Variants in LYPLAL1 observed in about 807,000 individuals in gnomAD.
LYPLAL1 encodes lysophospholipase-like protein 1.
A neutral mutation model predicts 19.7 loss-of-function variants in LYPLAL1; 23 were observed. The ratio of observed to expected loss-of-function variants is 1.17; its 90% CI spans 0.84 to 1.65. The LOEUF is 1.65. LYPLAL1 is among the 40% of genes most tolerant of loss of function. The pLI is 0.00. For missense variants in LYPLAL1, 355 were observed against 279.4 expected, an observed-to-expected ratio of 1.27 and a Z score of -1.93; for synonymous variants, 119 against 96.3, an observed-to-expected ratio of 1.24 and a Z score of -1.38.
At chr1:219,297,014 G>T in the LYPLAL1 span, among the ~76,000 whole-genome samples, 1 of 152,218 alleles carries the variant, frequency 6.6e-6, no homozygotes, top group Non-Finnish European at 1.5e-5. Flanking sequence ...AAGTGAGTTA[G>T]ATTTCTCCTT....
chr1:219,359,074 GT>G, the LYPLAL1 span, among the ~76,000 whole-genome samples: 30,334 of 151,968 alleles, frequency 0.2, 3,620 homozygotes, highest in Admixed American at 0.31. Context: ...GAAACAAGTT[GT>G]TTTTTTCCAG....
the LYPLAL1 span, among the ~76,000 whole-genome samples, chr1:219,256,204 A>G: frequency 2.0e-5 from 3 of 151,948 alleles, no homozygotes; most frequent in Admixed American, 1.3e-4. Context: ...TGCGGAGATT[A>G]TTGGATAACT....
chr1:219,244,969 C>T, the LYPLAL1 span, among the ~76,000 whole-genome samples: 1 of 149,962 alleles, frequency 6.7e-6, no homozygotes, highest in Non-Finnish European at 1.5e-5. Context: ...CTCTTCCTTC[C>T]TTCCTTCTTT....
chr1:219,287,599 G>A, the LYPLAL1 span, among the ~76,000 whole-genome samples: 1 of 152,170 alleles, frequency 6.6e-6, no homozygotes, highest in Non-Finnish European at 1.5e-5. Context: ...AAACACTGAT[G>A]AGAATGTGGA....
At chr1:219,372,788 C>G in the LYPLAL1 span, among the ~76,000 whole-genome samples, 1 of 152,146 alleles carries the variant, frequency 6.6e-6, no homozygotes, top group Admixed American at 6.5e-5. Flanking sequence ...CCTATAATCC[C>G]AGCTACCCGG....
the LYPLAL1 span, among the ~76,000 whole-genome samples, chr1:219,440,515 C>G: frequency 1.3e-5 from 2 of 152,000 alleles, no homozygotes; most frequent in African/African-American, 4.8e-5. Flanking sequence ...CCTGAGGAGC[C>G]TCTTACTGGC....
chr1:219,350,276 C>T, the LYPLAL1 span, among the ~76,000 whole-genome samples: 1 of 152,142 alleles, frequency 6.6e-6, no homozygotes, highest in Non-Finnish European at 1.5e-5. Context: ...ATCAGTTCTA[C>T]AAGGTTGTTA....
intron 2 of LYPLAL1, among the ~76,000 whole-genome samples, chr1:219,184,543 A>G (rs1656567703): frequency 6.6e-6 from 1 of 151,860 alleles, no homozygotes; most frequent in African/African-American, 2.4e-5. Context: ...TTAGAGGGGA[A>G]GTGTTCAGTA....
chr1:219,284,142 C>G, the LYPLAL1 span, among the ~76,000 whole-genome samples: 1 of 152,178 alleles, frequency 6.6e-6, no homozygotes, highest in African/African-American at 2.4e-5. Flanking sequence ...TAAGACATGC[C>G]TTGCTTCCTC....
the LYPLAL1 span, among the ~76,000 whole-genome samples, chr1:219,229,294 T>A: frequency 1.2e-4 from 16 of 132,928 alleles, no homozygotes; most frequent in African/African-American, 4.9e-4. Context: ...ACAAGCATTT[T>A]GAGAGAGAGA....
the LYPLAL1 span, among the ~76,000 whole-genome samples, chr1:219,412,158 C>G: frequency 1.3e-5 from 2 of 152,152 alleles, no homozygotes; most frequent in African/African-American, 4.8e-5. Context: ...AAGGGATCCT[C>G]TTGTCTCAGC....
At chr1:219,222,711 T>A in the LYPLAL1 span, 3 of 152,184 alleles carry the variant, frequency 2.0e-5, no homozygotes, top group African/African-American at 7.2e-5. Flanking sequence ...TGTGTCGCTC[T>A]TTAACTGTCT....
chr1:219,305,416 A>T, the LYPLAL1 span, among the ~76,000 whole-genome samples: 1 of 152,042 alleles, frequency 6.6e-6, no homozygotes, highest in Non-Finnish European at 1.5e-5. Flanking sequence ...TAGAAAAGAG[A>T]CATACTGAAG....
chr1:219,352,228 G>A, the LYPLAL1 span, among the ~76,000 whole-genome samples: 1 of 152,088 alleles, frequency 6.6e-6, no homozygotes, highest in Non-Finnish European at 1.5e-5. Flanking sequence ...CTATAAATTG[G>A]GGATAATAAC....
At chr1:219,293,411 G>A in the LYPLAL1 span, among the ~76,000 whole-genome samples, 1 of 152,004 alleles carries the variant, frequency 6.6e-6, no homozygotes, top group Non-Finnish European at 1.5e-5. Context: ...TTTAGTTTTT[G>A]TATCCCTGGC....
At chr1:219,254,274 T>C in the LYPLAL1 span, among the ~76,000 whole-genome samples, 1 of 152,050 alleles carries the variant, frequency 6.6e-6, no homozygotes, top group Non-Finnish European at 1.5e-5. Context: ...TTTATTCCCT[T>C]TGCATTCAAG....
At chr1:219,429,558 G>A in the LYPLAL1 span, among the ~76,000 whole-genome samples, 1 of 152,160 alleles carries the variant, frequency 6.6e-6, no homozygotes, top group East Asian at 1.9e-4. Flanking sequence ...TTGGGGGGCT[G>A]AGGCGAGAGG....
chr1:219,423,673 T>C, the LYPLAL1 span, among the ~76,000 whole-genome samples: 1 of 152,168 alleles, frequency 6.6e-6, no homozygotes, highest in African/African-American at 2.4e-5. Flanking sequence ...GGAGAGATTA[T>C]TTGAATATTC....
the LYPLAL1 span, among the ~76,000 whole-genome samples, chr1:219,386,277 A>G: frequency 6.6e-6 from 1 of 152,196 alleles, no homozygotes; most frequent in Admixed American, 6.5e-5. Flanking sequence ...CCTTTGGATT[A>G]CTGTAGAGAA....
Sources: allele counts gnomAD v4.1 joint callset (sites outside exome capture counted in the v4.1 genomes callset), GRCh38; gene constraint gnomAD v4.1.1; transcripts MANE v1.5; gene names NCBI Gene and HGNC (gene_info 2026-07-23, HGNC 2026-07-21).